CCDC88A: variants seen among roughly 807,000 people sequenced by gnomAD.
The protein encoded by CCDC88A is girdin.
CCDC88A carries 54 observed loss-of-function variants against 234.3 expected under a neutral mutation model. The ratio of observed to expected loss-of-function variants is 0.23; its 90% confidence interval spans 0.19 to 0.29. CCDC88A has a LOEUF of 0.29. CCDC88A is among the 10% of genes least tolerant of loss of function. The pLI, the probability that CCDC88A is intolerant of heterozygous loss-of-function variation, is 1.00. For synonymous variants in CCDC88A, 753 were observed against 737.8 expected, an observed-to-expected ratio of 1.02 and a Z score of -0.33; for missense variants, 1,832 against 2,123.4, an observed-to-expected ratio of 0.86 and a Z score of 2.70.
intron 2 of CCDC88A, chr2:55,406,074 C>T (rs923498798): frequency 6.6e-6 from 1 of 150,764 alleles, no homozygotes. Flanking sequence ...AGGAGAATTG[C>T]TTGAATCCGG....
chr2:55,401,434 CA>C (rs1174693653), intron 2 of CCDC88A, among the ~76,000 whole-genome samples: 1 of 45,806 alleles, frequency 2.2e-5, no homozygotes, highest in African/African-American at 8.3e-5. Context: ...ACTCTGTCTC[CA>C]AAAAAAAAAA....
intron 9 of CCDC88A, among the ~76,000 whole-genome samples, chr2:55,348,089 G>A (rs1033694338): frequency 1.3e-5 from 2 of 151,912 alleles, no homozygotes; most frequent in African/African-American, 4.8e-5. Context: ...AGTCTCCCAA[G>A]TAGCTGGGAC....
chr2:55,311,281 A>T (rs914062394), intron 23 of CCDC88A, among the ~76,000 whole-genome samples: 12 of 152,252 alleles, frequency 7.9e-5, no homozygotes, highest in Non-Finnish European at 1.6e-4. Flanking sequence ...CACAAATGTG[A>T]AATTTCTTTG....
intron 10 of CCDC88A, 187 bp downstream of exon 10, chr2:55,345,988 C>A: frequency 2.2e-6 from 1 of 446,042 alleles, no homozygotes; most frequent in Non-Finnish European, 3.9e-6. Context: ...TAGTAATATC[C>A]ATAGATCCCT....
In CCDC88A at chr2:55,301,212, C is replaced by T. The variant is rs200292881; in HGVS notation, c.4738G>A (p.Val1580Ile). Reference sequence around the variant, plus strand: ...ATAAGGTTCATTATCTTACCATGAACTCTTGATCCCGTACTAGAATCATCA... The same window carrying T: ...ATAAGGTTCATTATCTTACCATGAATTCTTGATCCCGTACTAGAATCATCA... ...VSDDSSTGSR[V>I]HASRPASLDS... Residue 1580 changes from valine to isoleucine, a missense_variant, in exon 28 of 33, where the codon GTT becomes ATT. Coordinates refer to ENST00000436346, the MANE Select transcript of CCDC88A (RefSeq NM_001365480.1). 1.5e-5 allele frequency: 23 copies of T among 1,576,976 alleles called. No homozygotes were observed. Among genetic ancestry groups the T allele is most frequent in the Non-Finnish European group, 1.3e-5 (15 of 1,150,096 alleles).
intron 25 of CCDC88A, among the ~76,000 whole-genome samples, chr2:55,304,695 A>G (rs1681324810): frequency 6.6e-6 from 1 of 152,194 alleles, no homozygotes; most frequent in Non-Finnish European, 1.5e-5. Flanking sequence ...TATCACTAAA[A>G]TATAGGAGTC....
At chr2:55,302,926 ATTC>A in intron 26 of CCDC88A, 140 bp downstream of exon 26, 2 of 589,710 alleles carry the variant, frequency 3.4e-6, no homozygotes, top group Non-Finnish European at 6.1e-6. Context: ...GAAAAAAAAA[ATTC>A]TTCTAGCTCC....
At chr2:55,414,302 T>C (rs1222960129) in intron 2 of CCDC88A, among the ~76,000 whole-genome samples, 2 of 152,192 alleles carry the variant, frequency 1.3e-5, no homozygotes, top group Admixed American at 6.5e-5. Flanking sequence ...CAGCAAGTAA[T>C]ATTCAAAACT....
intron 2 of CCDC88A, among the ~76,000 whole-genome samples, chr2:55,403,033 T>A (rs1377372009): frequency 6.6e-6 from 1 of 151,984 alleles, no homozygotes; most frequent in Non-Finnish European, 1.5e-5. Flanking sequence ...CATTCATTAA[T>A]ATCACCTCCA....
chr2:55,419,273 T>G lies in CCDC88A; in HGVS notation c.-194A>C. 1.8e-6 allele frequency: 1 copy of G among 554,716 alleles called. No homozygotes were observed. The highest frequency in any genetic ancestry group is 3.2e-6 in the Non-Finnish European group (1 of 310,794). 34.4% of individuals were successfully genotyped at this position (554,716 alleles called of 1,614,324 possible). The stretch of plus-strand genomic sequence containing the variant: ...TGAAACGAGCCGAAATCCCAAGAAG[T>G]GGCTTCGACGACGGACACCACGAGC... On this transcript the variant is annotated 5_prime_UTR_variant, in exon 1 of 33. Coordinates refer to ENST00000436346, the MANE Select transcript of CCDC88A (RefSeq NM_001365480.1).
chr2:55,298,605 T>A (rs963664651), intron 29 of CCDC88A, among the ~76,000 whole-genome samples: 1 of 152,026 alleles, frequency 6.6e-6, no homozygotes, highest in African/African-American at 2.4e-5. Flanking sequence ...AGAGAGTAAC[T>A]ATGATATATT....
At chr2:55,304,580 A>G (rs897788194) in intron 25 of CCDC88A, among the ~76,000 whole-genome samples, 4 of 152,204 alleles carry the variant, frequency 2.6e-5, no homozygotes, top group Non-Finnish European at 5.9e-5. Flanking sequence ...CCTAAAAAAT[A>G]AGGAGGTACC....
chr2:55,317,973 G>C lies in CCDC88A; in HGVS notation c.3325-132C>G. On this transcript the variant is annotated intron_variant, in intron 19 of 32. Coordinates refer to ENST00000436346, the MANE Select transcript of CCDC88A (RefSeq NM_001365480.1). This position sits in a 1 kb window ranked among gnomAD's most constrained non-coding sequence, Gnocchi z 4.2. ...ACACATATTTACATTATACTGGGAA[G>C]ACGTGGATTTTAGCTTCCCAAAGAA... The C allele has an allele frequency of 1.5e-6, 1 of 647,270 alleles. No homozygotes were observed. The highest frequency in any genetic ancestry group is 2.7e-5 in the South Asian group (1 of 37,346). 40.1% of individuals were successfully genotyped at this position (647,270 alleles called of 1,614,324 possible). A position where few individuals can be genotyped will look rare whatever the true frequency, so the allele number is the denominator to read the frequency against.
At chr2:55,367,946 G>A (rs1349858225) in intron 5 of CCDC88A, among the ~76,000 whole-genome samples, 2 of 152,186 alleles carry the variant, frequency 1.3e-5, no homozygotes, top group African/African-American at 4.8e-5. Flanking sequence ...AGCCTGCACT[G>A]ATAGGTATTA....
chr2:55,348,566 C>G (rs1364895907), intron 9 of CCDC88A: 3 of 152,220 alleles, frequency 2.0e-5, no homozygotes, highest in African/African-American at 7.2e-5. Context: ...AGCCACCGCA[C>G]CTGGCCAGAC....
chr2:55,411,295 T>C (rs939726749), intron 2 of CCDC88A, among the ~76,000 whole-genome samples: 2 of 152,126 alleles, frequency 1.3e-5, no homozygotes, highest in Non-Finnish European at 2.9e-5. Context: ...TCCCATAATA[T>C]ATATTAAGAG....
intron 25 of CCDC88A, chr2:55,307,976 CTTTT>C (rs35845333): frequency 4.2e-3 from 417 of 98,290 alleles, no homozygotes; most frequent in African/African-American, 0.015. Context: ...TTCTTTCTTT[CTTTT>C]TTTTTTTTTT....
rs1019594680 is a variant in CCDC88A, at chr2:55,332,364, C to T, written c.2855+202G>A. 12 of 747,694 alleles carry T rather than the reference C, an allele frequency of 1.6e-5. No homozygotes were observed. Among genetic ancestry groups the T allele is most frequent in the African/African-American group, 9.3e-5 (5 of 53,940 alleles). 46.3% of individuals were successfully genotyped at this position (747,694 alleles called of 1,614,324 possible). A position where few individuals can be genotyped will look rare whatever the true frequency, so the allele number is the denominator to read the frequency against. ...CTCGAACTCCCGACCTCAGGTGATCCGCCCGCTTCAGCCTCCCAAAGTGCT... is the reference window on the plus strand; with the variant it reads ...CTCGAACTCCCGACCTCAGGTGATCTGCCCGCTTCAGCCTCCCAAAGTGCT... On this transcript the variant is annotated intron_variant, in intron 16 of 32. Transcript: ENST00000436346. This position sits in a 1 kb window ranked among gnomAD's most constrained non-coding sequence, Gnocchi z 4.5.
intron 9 of CCDC88A, among the ~76,000 whole-genome samples, chr2:55,346,853 A>G (rs565854029): frequency 5.3e-5 from 8 of 152,270 alleles, no homozygotes; most frequent in Non-Finnish European, 1.0e-4. Flanking sequence ...ATATGTTACT[A>G]AAATTTTTTT....
Sources: gnomAD v4.1 joint callset for allele counts (sites outside exome capture counted in the v4.1 genomes callset) on GRCh38, gnomAD v4.1.1 for gene constraint, Gnocchi (gnomAD v3.1) non-coding constraint, MANE v1.5 for transcripts, NCBI Gene and HGNC (gene_info 2026-07-23, HGNC 2026-07-21) for gene names.